ZNF546: variants seen among roughly 807,000 people sequenced by gnomAD.
The protein encoded by ZNF546 is CTC-471F3.6.
Under a neutral mutation model 76.2 loss-of-function variants are expected in ZNF546, and 60 were observed. The observed-to-expected ratio is 0.79, with a 90% CI of 0.64 to 0.98. ZNF546 has a LOEUF of 0.98. Ranked by LOEUF, ZNF546 falls within the 50% of genes least tolerant of loss-of-function variation. The pLI, the probability that ZNF546 is intolerant of heterozygous loss-of-function variation, is 0.00. For missense variants in ZNF546, 936 were observed against 1,035.6 expected (o/e 0.90, Z 1.32); for synonymous variants, 277 against 328.1 (o/e 0.84, Z 1.68).
At chr19:40,011,974 C>T (rs976123707) in intron 6 of ZNF546, among the ~76,000 whole-genome samples, 2 of 152,154 alleles carry the variant, frequency 1.3e-5, no homozygotes, top group African/African-American at 4.8e-5. Flanking sequence ...TTTCTGGGGG[C>T]CACAATTCAA....
chr19:40,007,476 CT>C (rs1308752489), intron 5 of ZNF546, 76 bp downstream of exon 5: 15 of 1,385,506 alleles, frequency 1.1e-5, no homozygotes, highest in Non-Finnish European at 1.2e-5. Flanking sequence ...CTTTAGAACT[CT>C]GTTTTAAGAG....
rs533076031 is a variant in ZNF546 at position 40,017,887 on chromosome 19, C to T, written c.*2106C>T. ...TATTTTTAAATTCAGGAACCAAATTCATGAATTACATTTGTGCATTGTTCG... is the reference window on the plus strand; with the variant it reads ...TATTTTTAAATTCAGGAACCAAATTTATGAATTACATTTGTGCATTGTTCG... On this transcript the variant is annotated 3_prime_UTR_variant, in exon 7 of 7. Transcript: ENST00000347077. 2 of 149,060 alleles carry T rather than the reference C, an allele frequency of 1.3e-5. No homozygotes were observed. The highest frequency in any genetic ancestry group is 2.2e-4 in the South Asian group (1 of 4,618). 9.2% of individuals were successfully genotyped at this position (149,060 alleles called of 1,614,324 possible). A position where few individuals can be genotyped will look rare whatever the true frequency, so the allele number is the denominator to read the frequency against.
chr19:40,006,106 T>C lies in ZNF546; in HGVS notation c.95T>C (p.Leu32Pro), dbSNP rs1478399894. The C allele has an allele frequency of 6.2e-7, 1 of 1,614,088 alleles. No individual in the cohort carries two copies. Among genetic ancestry groups the C allele is most frequent in the Admixed American group, 1.7e-5 (1 of 60,002 alleles). ...LHSLSIMPRF[L>P]WILCFSMEET... ...TGTTCTTCCCCCCAGCCCCGGTTTC[T>C]CTGGATTCTGTGCTTCTCCATGGAG... The change falls in exon 4 of 7, where the codon CTC (leucine) becomes CCC (proline). Residue 32 changes from leucine (L) to proline (P), a missense_variant. Coordinates refer to ENST00000347077, the MANE Select transcript of ZNF546 (RefSeq NM_178544.5).
intron 3 of ZNF546, among the ~76,000 whole-genome samples, chr19:40,001,065 G>A (rs992915642): frequency 6.6e-6 from 1 of 151,988 alleles, no homozygotes; most frequent in Non-Finnish European, 1.5e-5. Flanking sequence ...CCCTCACATG[G>A]TCAGTTCATA....
chr19:40,007,945 C>T (rs1971624894), intron 5 of ZNF546, among the ~76,000 whole-genome samples: 1 of 152,094 alleles, frequency 6.6e-6, no homozygotes, highest in African/African-American at 2.4e-5. Flanking sequence ...TGAGGAAGAA[C>T]CTGGAAATAT....
Position 40,015,923 on chromosome 19 carries a change from T to C in ZNF546, c.*142T>C. The C allele has an allele frequency of 1.3e-6, 1 of 771,850 alleles. No homozygotes were observed. Among genetic ancestry groups the C allele is most frequent in the South Asian group, 1.7e-5 (1 of 58,278 alleles). The allele number at this position is 771,850 out of a possible 1,614,324, so 47.8% of individuals were successfully genotyped here. Reference sequence around the variant, plus strand: ...AGAAATTATTTCGTATGTTAAAGAGTCGAAAGACTATAGCATCACTCAGTC... The same window carrying C: ...AGAAATTATTTCGTATGTTAAAGAGCCGAAAGACTATAGCATCACTCAGTC... On this transcript the variant is annotated 3_prime_UTR_variant, in exon 7 of 7. Transcript: ENST00000347077.
At chr19:40,002,542 C>T (rs1366899025) in intron 3 of ZNF546, among the ~76,000 whole-genome samples, 2 of 152,088 alleles carry the variant, frequency 1.3e-5, no homozygotes, top group African/African-American at 4.8e-5. Flanking sequence ...AAATTCAGGT[C>T]ACAGGCCTTG....
Position 40,015,669 on chromosome 19 carries a change from C to G in ZNF546, c.2399C>G (p.Thr800Ser), listed in dbSNP as rs1373324068. The change falls in exon 7 of 7, where the codon ACT becomes AGT. Residue 800 changes from threonine (T) to serine (S), a missense_variant. By Grantham distance (58) the Thr-to-Ser change is moderately conservative. Coordinates refer to ENST00000347077, the MANE Select transcript of ZNF546 (RefSeq NM_178544.5). ...CTTACTCGACATCACAGAATTCATA[C>G]TGGTGAAAAACCCTATCAATGTAAA... ...SELTRHHRIHTGEKPYQCKEC... is the reference protein window; with the variant it reads ...SELTRHHRIHSGEKPYQCKEC... 6.2e-7 allele frequency: 1 copy of G among 1,614,028 alleles called. No homozygotes were observed. Among genetic ancestry groups the G allele is most frequent in the Non-Finnish European group, 8.5e-7 (1 of 1,180,014 alleles).
intron 3 of ZNF546, among the ~76,000 whole-genome samples, chr19:40,004,940 C>T (rs1313296132): frequency 1.3e-5 from 2 of 151,610 alleles, no homozygotes; most frequent in African/African-American, 4.9e-5. Flanking sequence ...TGAATTCTAC[C>T]TCCCTGCATG....
chr19:40,015,574 C>G lies in ZNF546; in HGVS notation c.2304C>G (p.His768Gln), dbSNP rs1971753124. Reference sequence around the variant, plus strand: ...TTCAAGCAGAACTTACTCGACATCACATAGTTCACACGGGTGAGAAACCCT... The same window carrying G: ...TTCAAGCAGAACTTACTCGACATCAGATAGTTCACACGGGTGAGAAACCCT... The part of the protein sequence containing the change: ...FRLQAELTRH[H>Q]IVHTGEKPYK... The change falls in exon 7 of 7, where the codon CAC (histidine) becomes CAG (glutamine). Residue 768 changes from histidine to glutamine, a missense_variant. Coordinates refer to ENST00000347077, the MANE Select transcript of ZNF546 (RefSeq NM_178544.5). 1 of 1,613,890 alleles carries G rather than the reference C, an allele frequency of 6.2e-7. No homozygotes were observed. Among genetic ancestry groups the G allele is most frequent in the African/African-American group, 1.3e-5 (1 of 74,878 alleles).
chr19:40,002,698 CTTT>C (rs34367306), intron 3 of ZNF546, among the ~76,000 whole-genome samples: 2 of 140,230 alleles, frequency 1.4e-5, no homozygotes, highest in Admixed American at 1.4e-4. Flanking sequence ...GGGAAACTAA[CTTT>C]TTTTTTTTTT....
At chr19:39,998,048 G>C in intron 2 of ZNF546, 133 bp downstream of exon 2, 1 of 451,866 alleles carries the variant, frequency 2.2e-6, no homozygotes, top group South Asian at 2.5e-5. Context: ...CTACCACAGA[G>C]CCTGTCACCT....
intron 3 of ZNF546, among the ~76,000 whole-genome samples, chr19:40,001,508 C>T (rs1320963994): frequency 6.6e-6 from 1 of 151,920 alleles, no homozygotes; most frequent in African/African-American, 2.4e-5. Context: ...ATTACAGGTA[C>T]CCACTACCAC....
chr19:40,000,138 G>A (rs1387478891), intron 3 of ZNF546, among the ~76,000 whole-genome samples: 1 of 152,026 alleles, frequency 6.6e-6, no homozygotes, highest in Non-Finnish European at 1.5e-5. Context: ...ACACCTTTTA[G>A]GGTTATATAA....
chr19:40,006,176 G>A lies in ZNF546; in HGVS notation c.165G>A (p.Met55Ile). The change falls in exon 4 of 7, where the codon ATG becomes ATA. Residue 55 changes from methionine to isoleucine, a missense_variant. By Grantham distance (10) the Met-to-Ile change is conservative. Coordinates refer to ENST00000347077, the MANE Select transcript of ZNF546 (RefSeq NM_178544.5). ...CAAGTTCTTGTGGTTCTAAAACCAT[G>A]GCCAATGTAAGTTTGTGTTTTTCTT... ...ELTSSCGSKT[M>I]ANVSLAFRDV... 1 of 1,612,580 alleles carries A rather than the reference G, an allele frequency of 6.2e-7. No homozygotes were observed. The highest frequency in any genetic ancestry group is 8.5e-7 in the Non-Finnish European group (1 of 1,179,234).
chr19:40,013,195 C>G (rs571625886), intron 6 of ZNF546, among the ~76,000 whole-genome samples: 1 of 152,276 alleles, frequency 6.6e-6, no homozygotes, highest in South Asian at 2.1e-4. Context: ...TTAGAGTTCT[C>G]TAAGCCAGGA....
Position 40,015,237 on chromosome 19 carries a change from AC to A in ZNF546, c.1968del (p.His656GlnfsTer114). On this transcript the variant is annotated frameshift_variant, in exon 7 of 7. Transcript: ENST00000347077. LOFTEE classifies it high-confidence loss of function. ...CGTAGCACTCATCTCACGCAACATC[AC>A]AGAATTCATACTGGTGAGAAACCCT... ...FIRSTHLTQH[H>X]RIHTGEKPYE... is the part of the protein sequence containing the mutation. 6.2e-7 allele frequency: 1 copy of A among 1,614,052 alleles called. No homozygotes were observed. The highest frequency in any genetic ancestry group is 8.5e-7 in the Non-Finnish European group (1 of 1,179,990).
At chr19:40,006,016 T>C in intron 3 of ZNF546, 80 bp from the exon 4 acceptor site, 1 of 1,203,406 alleles carries the variant, frequency 8.3e-7, no homozygotes, top group Non-Finnish European at 1.2e-6. Context: ...AATGATGGCA[T>C]AACAGGATCT....
intron 6 of ZNF546, among the ~76,000 whole-genome samples, chr19:40,012,601 G>A (rs1971686608): frequency 6.6e-6 from 1 of 152,064 alleles, no homozygotes; most frequent in African/African-American, 2.4e-5. Context: ...ATTCTAAAGG[G>A]AAAAGAATTA....
Sources: gnomAD v4.1 joint callset for allele counts (sites outside exome capture counted in the v4.1 genomes callset) on GRCh38, gnomAD v4.1.1 for gene constraint, MANE v1.5 for transcripts, NCBI Gene and HGNC (gene_info 2026-07-23, HGNC 2026-07-21) for gene names.